CDH13: variants seen among roughly 807,000 people sequenced by gnomAD.
The protein encoded by CDH13 is cadherin 13, also known as cadherin-13.
In CDH13, 24 loss-of-function variants were observed where a neutral mutation model predicts 63.8. The observed-to-expected ratio is 0.38, with a 90% CI of 0.27 to 0.53. CDH13 has a LOEUF of 0.53. Ranked by LOEUF, CDH13 falls within the 20% of genes least tolerant of loss-of-function variation. The pLI is 0.85. For missense variants in CDH13, 1,049 were observed against 903.1 expected, an observed-to-expected ratio of 1.16 and a Z score of -2.07; for synonymous variants, 503 against 355.3, an observed-to-expected ratio of 1.42 and a Z score of -4.67.
In CDH13 at chr16:83,588,174, C is replaced by G. The variant is rs75639132; in HGVS notation, c.961-14280C>G. ...AGCCTCCCTCTGCATAGACACCTCT[C>G]CAAAGGAGAAGGACCTTCCCTGCAC... On this transcript the variant is annotated intron_variant, in intron 7 of 13. Transcript: ENST00000567109. Among the ~76,000 whole-genome samples the G allele has an allele frequency of 6.9e-3, 1,047 of 152,308 alleles. 12 individuals carry two copies. Among genetic ancestry groups the G allele is most frequent in the African/African-American group, 0.024 (1,001 of 41,566 alleles).
intron 1 of CDH13, among the ~76,000 whole-genome samples, chr16:82,834,243 A>G (rs571259285): frequency 2.0e-5 from 3 of 152,350 alleles, no homozygotes; most frequent in African/African-American, 4.8e-5. Flanking sequence ...CGCCTTGTGC[A>G]TGAAAAGCAG....
At chr16:82,641,508 T>G (rs1909392642) in intron 1 of CDH13, among the ~76,000 whole-genome samples, 2 of 152,224 alleles carry the variant, frequency 1.3e-5, no homozygotes, top group African/African-American at 4.8e-5. Flanking sequence ...GCAGATATTC[T>G]CTTTCCCACT....
At chr16:83,752,974 C>T (rs930791860) in intron 11 of CDH13, among the ~76,000 whole-genome samples, 4 of 152,086 alleles carry the variant, frequency 2.6e-5, no homozygotes, top group African/African-American at 9.7e-5. Context: ...ATATCAGACA[C>T]GGAAATTTAA....
intron 2 of CDH13, among the ~76,000 whole-genome samples, chr16:82,999,188 C>G (rs1182106077): frequency 1.3e-5 from 2 of 152,144 alleles, no homozygotes; most frequent in African/African-American, 4.8e-5. Context: ...ATTTAGCCCT[C>G]TTTTCTCTTT....
chr16:83,626,342 C>T (rs1910301999), intron 8 of CDH13, among the ~76,000 whole-genome samples: 1 of 152,182 alleles, frequency 6.6e-6, no homozygotes, highest in African/African-American at 2.4e-5. Flanking sequence ...CTGGGACCTT[C>T]TGTGAATAAC....
intron 2 of CDH13, among the ~76,000 whole-genome samples, chr16:82,956,932 G>T (rs1171324827): frequency 6.6e-6 from 1 of 152,172 alleles, no homozygotes; most frequent in Admixed American, 6.5e-5. Flanking sequence ...GTTCTAGATT[G>T]ACATGGTGGC....
At chr16:83,738,574 C>T (rs766732809) in intron 10 of CDH13, among the ~76,000 whole-genome samples, 178 of 152,268 alleles carry the variant, frequency 1.2e-3, no homozygotes, top group Non-Finnish European at 1.0e-3. Flanking sequence ...TCTTGTGATT[C>T]CAGCTTCCTT....
chr16:82,954,990 A>G (rs1192384642), intron 2 of CDH13, among the ~76,000 whole-genome samples: 1 of 152,216 alleles, frequency 6.6e-6, no homozygotes, highest in South Asian at 2.1e-4. Context: ...GCCAAATAAT[A>G]TTCCATTGCC....
chr16:82,693,805 C>T (rs1473528506), intron 1 of CDH13, among the ~76,000 whole-genome samples: 2 of 152,150 alleles, frequency 1.3e-5, no homozygotes, highest in African/African-American at 2.4e-5. Context: ...ATTATTGACC[C>T]AAGGTGCCAT....
chr16:83,139,684 A>G (rs1302466019), intron 4 of CDH13, among the ~76,000 whole-genome samples: 1 of 152,074 alleles, frequency 6.6e-6, no homozygotes, highest in Non-Finnish European at 1.5e-5. Context: ...AATTTTAGAG[A>G]AAAATACACA....
At chr16:83,319,294 C>A (rs1349429583) in intron 5 of CDH13, among the ~76,000 whole-genome samples, 4 of 152,168 alleles carry the variant, frequency 2.6e-5, no homozygotes, top group Non-Finnish European at 5.9e-5. Context: ...CTAGGATTCT[C>A]TTTGGCATTC....
At chr16:83,283,395 A>G (rs1250379307) in intron 5 of CDH13, among the ~76,000 whole-genome samples, 1 of 152,200 alleles carries the variant, frequency 6.6e-6, no homozygotes, top group Non-Finnish European at 1.5e-5. Flanking sequence ...ATTCAAGACC[A>G]GCCTGGCCAA....
intron 7 of CDH13, among the ~76,000 whole-genome samples, chr16:83,538,805 T>C (rs2075244777): frequency 6.6e-6 from 1 of 152,202 alleles, no homozygotes; most frequent in African/African-American, 2.4e-5. Flanking sequence ...CATGTACAAG[T>C]ATTTATCCAG....
At chr16:82,702,237 C>G (rs1428731639) in intron 1 of CDH13, among the ~76,000 whole-genome samples, 1 of 152,170 alleles carries the variant, frequency 6.6e-6, no homozygotes, top group Admixed American at 6.5e-5. Flanking sequence ...GCTCAAATGC[C>G]TTCCACCCCA....
intron 4 of CDH13, among the ~76,000 whole-genome samples, chr16:83,215,904 T>C (rs963454186): frequency 5.9e-5 from 9 of 152,178 alleles, no homozygotes; most frequent in African/African-American, 2.2e-4. Flanking sequence ...GACATAAATA[T>C]AGATGAATAC....
chr16:83,688,361 C>T (rs1486016546), intron 10 of CDH13, among the ~76,000 whole-genome samples: 1 of 152,174 alleles, frequency 6.6e-6, no homozygotes. Context: ...TATGTAGTAG[C>T]CTACCATTTA....
intron 4 of CDH13, among the ~76,000 whole-genome samples, chr16:83,208,961 G>T (rs1447878863): frequency 1.3e-5 from 2 of 152,094 alleles, no homozygotes; most frequent in African/African-American, 4.8e-5. Flanking sequence ...AGGGTATTAA[G>T]TCCCTTTTCA....
At chr16:83,296,592 G>A (rs908045396) in intron 5 of CDH13, among the ~76,000 whole-genome samples, 2 of 152,090 alleles carry the variant, frequency 1.3e-5, no homozygotes, top group African/African-American at 4.8e-5. Context: ...ATGTACCCTT[G>A]TGGCTATAAG....
intron 2 of CDH13, among the ~76,000 whole-genome samples, chr16:82,990,577 C>G (rs1911540747): frequency 7.1e-6 from 1 of 140,400 alleles, no homozygotes; most frequent in Non-Finnish European, 1.5e-5. Context: ...GACAGAGTCT[C>G]ACTTTATCAT....
Sources: allele counts gnomAD v4.1 joint callset (sites outside exome capture counted in the v4.1 genomes callset), GRCh38; gene constraint gnomAD v4.1.1; transcripts MANE v1.5; gene names NCBI Gene and HGNC (gene_info 2026-07-23, HGNC 2026-07-21).